HIPK3: variants seen among roughly 807,000 people sequenced by gnomAD.
HIPK3 encodes homeodomain interacting protein kinase 3, also known as homeodomain-interacting protein kinase 3.
A neutral mutation model predicts 124.2 loss-of-function variants in HIPK3; 47 were observed. The ratio of observed to expected loss-of-function variants is 0.38; its 90% CI spans 0.30 to 0.48. The LOEUF is 0.48. HIPK3 is among the 20% of genes least tolerant of loss of function. The pLI is 0.98. For missense variants in HIPK3, 1,286 were observed against 1,454.3 expected (o/e 0.88, Z 1.88); for synonymous variants, 482 against 515.2 (o/e 0.94, Z 0.87).
chr11:33,297,717 A>G (rs1851879919), intron 2 of HIPK3, among the ~76,000 whole-genome samples: 1 of 151,126 alleles, frequency 6.6e-6, no homozygotes, highest in Non-Finnish European at 1.5e-5. Context: ...AGATGATACC[A>G]TCTAGGACTT....
chr11:33,309,167 C>T (rs950195354), intron 2 of HIPK3, among the ~76,000 whole-genome samples: 3 of 152,078 alleles, frequency 2.0e-5, no homozygotes, highest in African/African-American at 4.8e-5. Flanking sequence ...TTTATTTGCC[C>T]AGAGATCACC....
intron 6 of HIPK3, 43 bp downstream of exon 6, chr11:33,339,577 T>C (rs754743645): frequency 7.4e-7 from 1 of 1,342,442 alleles, no homozygotes; most frequent in Non-Finnish European, 1.0e-6. Flanking sequence ...TAAAAAAAAA[T>C]AAGTCTGTAG....
In HIPK3 at chr11:33,268,440, A is replaced by G. The variant is rs188165275; in HGVS notation, c.-3+10551A>G. On this transcript the variant is annotated intron_variant, in intron 1 of 16. Coordinates refer to ENST00000303296, the MANE Select transcript of HIPK3 (RefSeq NM_005734.5). ...GAGACTCCATCTCTATAAAAAATAC[A>G]ATTACCTGAGTGAGGTGGTGCATAC... Among the ~76,000 whole-genome samples the G allele has an allele frequency of 1.1e-3, 163 of 151,800 alleles. 1 individual carries two copies. Among genetic ancestry groups the G allele is most frequent in the Non-Finnish European group, 4.7e-4 (32 of 67,932 alleles).
At chr11:33,272,857 C>T (rs1000065164) in intron 1 of HIPK3, among the ~76,000 whole-genome samples, 1 of 147,762 alleles carries the variant, frequency 6.8e-6, no homozygotes, top group Non-Finnish European at 1.5e-5. Context: ...CCCTCCTGTC[C>T]CCTGTCGAGA....
chr11:33,302,740 C>T (rs1852042712), intron 2 of HIPK3, among the ~76,000 whole-genome samples: 3 of 152,138 alleles, frequency 2.0e-5, no homozygotes, highest in South Asian at 4.2e-4. Flanking sequence ...TTGCATAGAA[C>T]GAGTGGACCA....
In HIPK3 at chr11:33,351,623, G is replaced by A; in HGVS notation, c.2823G>A (p.Glu941=). The change falls in exon 15 of 17, where the codon GAG becomes GAA. Residue 941 remains glutamate, a synonymous_variant. Transcript: ENST00000303296. ...CTTTTTGTAGTATGTCAGATGAAGAGCAAGAAAGTAGTTGTGATACGGTGG... is the reference window on the plus strand; with the variant it reads ...CTTTTTGTAGTATGTCAGATGAAGAACAAGAAAGTAGTTGTGATACGGTGG... ...CKRPNSMSDE[E]QESSCDTVDG... is the part of the protein sequence containing the mutation. 1.2e-6 allele frequency: 2 copies of A among 1,613,650 alleles called. No individual in the cohort carries two copies. The highest frequency in any genetic ancestry group is 8.5e-7 in the Non-Finnish European group (1 of 1,179,590).
chr11:33,348,389 A>G, intron 12 of HIPK3, 133 bp from the exon 13 acceptor site: 2 of 1,008,206 alleles, frequency 2.0e-6, no homozygotes, highest in South Asian at 1.7e-5. Flanking sequence ...CAAAAACTCA[A>G]GATCTGTTAG....
intron 3 of HIPK3, among the ~76,000 whole-genome samples, chr11:33,336,158 T>A (rs1853141568): frequency 6.6e-6 from 1 of 152,026 alleles, no homozygotes; most frequent in Admixed American, 6.6e-5. Context: ...TATTGATGGG[T>A]CATGGAAGGC....
At chr11:33,341,825 T>C in intron 8 of HIPK3, 139 bp downstream of exon 8, 1 of 755,656 alleles carries the variant, frequency 1.3e-6, no homozygotes, top group East Asian at 3.2e-5. Flanking sequence ...TCAGGCCAAG[T>C]GTGGTGTTTC....
In HIPK3 at chr11:33,338,819, C is replaced by T; in HGVS notation, c.1404C>T (p.Phe468=). 6.2e-6 allele frequency: 10 copies of T among 1,612,526 alleles called. No individual in the cohort carries two copies. The highest frequency in any genetic ancestry group is 8.5e-6 in the Non-Finnish European group (10 of 1,178,878). ...MKSKEARKYI[F]NSLDDVAHVN... ...CTAAAGAAGCCAGAAAATACATTTT[C>T]AACAGTCTGGATGATGTAGCGCATG... Residue 468 remains phenylalanine (F), a synonymous_variant, in exon 5 of 17, where the codon TTC becomes TTT. Coordinates refer to ENST00000303296, the MANE Select transcript of HIPK3 (RefSeq NM_005734.5).
At chr11:33,295,208 C>T (rs1360915954) in intron 2 of HIPK3, among the ~76,000 whole-genome samples, 1 of 152,082 alleles carries the variant, frequency 6.6e-6, no homozygotes, top group African/African-American at 2.4e-5. Flanking sequence ...AGAGGCTGTG[C>T]CCAGGAGACC....
At chr11:33,266,694 A>G (rs951645828) in intron 1 of HIPK3, among the ~76,000 whole-genome samples, 4 of 152,210 alleles carry the variant, frequency 2.6e-5, no homozygotes, top group African/African-American at 9.7e-5. Flanking sequence ...CCTTGGAGAC[A>G]GAGTGAGACC....
rs1231990975 is a variant in HIPK3, at chr11:33,353,374, TA to T, written c.3455del (p.Tyr1152LeufsTer9). 6.2e-7 allele frequency: 1 copy of T among 1,614,018 alleles called. No homozygotes were observed. Among genetic ancestry groups the T allele is most frequent in the African/African-American group, 1.3e-5 (1 of 74,916 alleles). ...TSRPMLQHPT[Y>X]NISHPSGIVH... ...AAGACCTATGTTACAGCATCCAACT[TA>T]TAATATCTCCCATCCCAGTGGCATA... On this transcript the variant is annotated frameshift_variant, in exon 17 of 17. Coordinates refer to ENST00000303296, the MANE Select transcript of HIPK3 (RefSeq NM_005734.5). LOFTEE classifies it high-confidence loss of function.
At chr11:33,318,028 T>C (rs1852555526) in intron 2 of HIPK3, among the ~76,000 whole-genome samples, 1 of 152,208 alleles carries the variant, frequency 6.6e-6, no homozygotes, top group African/African-American at 2.4e-5. Context: ...ATGGTTAAGA[T>C]GAGTAAATGC....
intron 1 of HIPK3, among the ~76,000 whole-genome samples, chr11:33,285,342 G>T (rs1178990673): frequency 1.3e-5 from 2 of 151,818 alleles, no homozygotes; most frequent in East Asian, 3.9e-4. Context: ...TATATTTGGA[G>T]GAAGTTTAAA....
At chr11:33,318,157 T>A (rs749759642) in intron 2 of HIPK3, among the ~76,000 whole-genome samples, 38 of 152,326 alleles carry the variant, frequency 2.5e-4, no homozygotes, top group Non-Finnish European at 1.9e-4. Context: ...AAAGAGATTA[T>A]TGAGAAATGC....
intron 2 of HIPK3, among the ~76,000 whole-genome samples, chr11:33,310,280 CT>C (rs111327983): frequency 0.24 from 12,425 of 50,990 alleles, 646 homozygotes; most frequent in Non-Finnish European, 0.33. Flanking sequence ...GTCTGTCTAT[CT>C]TATCTATCTA....
chr11:33,292,681 AC>A (rs1386256984), intron 2 of HIPK3, among the ~76,000 whole-genome samples: 1 of 152,214 alleles, frequency 6.6e-6, no homozygotes, highest in African/African-American at 2.4e-5. Flanking sequence ...TTAGACAAAT[AC>A]AAGATTGTCA....
In HIPK3 at chr11:33,268,104, C is replaced by T. The variant is rs146464931; in HGVS notation, c.-3+10215C>T. The stretch of plus-strand genomic sequence containing the variant: ...TGGGCGCCTGTAATCTCAGCTGCTC[C>T]GGAGCCTGAGGCAGGAGAATTGCTT... On this transcript the variant is annotated intron_variant, in intron 1 of 16. Coordinates refer to ENST00000303296, the MANE Select transcript of HIPK3 (RefSeq NM_005734.5). Among the ~76,000 whole-genome samples, 58 of 151,942 alleles carry T rather than the reference C, an allele frequency of 3.8e-4. No individual in the cohort carries two copies. The South Asian group carries it at 9.2e-3, about 24-fold the overall frequency.
Sources: gnomAD v4.1 joint callset for allele counts (sites outside exome capture counted in the v4.1 genomes callset) on GRCh38, gnomAD v4.1.1 for gene constraint, MANE v1.5 for transcripts, NCBI Gene and HGNC (gene_info 2026-07-23, HGNC 2026-07-21) for gene names.